The following COG5 variants were observed in gnomAD, a reference collection of about 807,000 sequenced individuals.
The protein encoded by COG5 is conserved oligomeric Golgi complex subunit 5.
A neutral mutation model predicts 110.4 loss-of-function variants in COG5; 86 were observed. The ratio of observed to expected loss-of-function variants is 0.78; its 90% CI spans 0.65 to 0.93. The LOEUF is 0.93. Ranked by LOEUF, COG5 falls within the 40% of genes least tolerant of loss-of-function variation. The probability of loss-of-function intolerance (pLI) is 0.00; values close to 1 mark genes in which losing one functional copy is unlikely to be tolerated. For missense variants in COG5, 1,077 were observed against 987.0 expected, an observed-to-expected ratio of 1.09 and a Z score of -1.22; for synonymous variants, 360 against 334.6, an observed-to-expected ratio of 1.08 and a Z score of -0.83.
At chr7:107,562,725 T>G (rs180949135) in intron 1 of COG5, among the ~76,000 whole-genome samples, 6 of 152,326 alleles carry the variant, frequency 3.9e-5, no homozygotes, top group Non-Finnish European at 8.8e-5. Flanking sequence ...TTGACAAAAG[T>G]ACATAAATTA....
At chr7:107,301,948 G>A (rs1562959104) in intron 11 of COG5, among the ~76,000 whole-genome samples, 2 of 152,110 alleles carry the variant, frequency 1.3e-5, no homozygotes, top group East Asian at 3.9e-4. Flanking sequence ...ATAAAAAATT[G>A]TATACTTATT....
At chr7:107,468,882 C>T (rs1243548737) in intron 6 of COG5, among the ~76,000 whole-genome samples, 1 of 151,860 alleles carries the variant, frequency 6.6e-6, no homozygotes, top group East Asian at 1.9e-4. Context: ...TCAACAGAGT[C>T]CAGCTGTTTT....
At chr7:107,261,200 G>A (rs963485403) in intron 14 of COG5, among the ~76,000 whole-genome samples, 7 of 152,016 alleles carry the variant, frequency 4.6e-5, no homozygotes, top group Non-Finnish European at 4.4e-5. Context: ...CTATGCAACT[G>A]TAATCTCAAA....
chr7:107,394,088 C>T (rs955282869), intron 7 of COG5, among the ~76,000 whole-genome samples: 10 of 151,900 alleles, frequency 6.6e-5, no homozygotes, highest in Non-Finnish European at 1.0e-4. Context: ...CAGCCTCCCA[C>T]GTAGCTGGGA....
At chr7:107,556,046 T>C (rs1803293883) in intron 2 of COG5, among the ~76,000 whole-genome samples, 2 of 151,242 alleles carry the variant, frequency 1.3e-5, no homozygotes, top group South Asian at 4.2e-4. Context: ...AGAGGAAAGC[T>C]TACTGTTTCA....
At chr7:107,549,251 C>A (rs1802700377) in intron 3 of COG5, 1 of 152,198 alleles carries the variant, frequency 6.6e-6, no homozygotes, top group African/African-American at 2.4e-5. Context: ...GGGTTTCCAC[C>A]AATACTCCAC....
chr7:107,385,808 T>C (rs1332577428), intron 7 of COG5, among the ~76,000 whole-genome samples: 1 of 147,978 alleles, frequency 6.8e-6, no homozygotes, highest in East Asian at 1.9e-4. Context: ...TTATTTTCTT[T>C]TTTTTTTTTT....
chr7:107,516,148 T>C (rs754558530), intron 6 of COG5, among the ~76,000 whole-genome samples: 7 of 152,174 alleles, frequency 4.6e-5, no homozygotes, highest in Non-Finnish European at 8.8e-5. Flanking sequence ...ACAATAAATA[T>C]GTCTGCACTA....
intron 18 of COG5, among the ~76,000 whole-genome samples, chr7:107,232,092 C>A (rs930257182): frequency 2.0e-5 from 3 of 152,092 alleles, no homozygotes; most frequent in African/African-American, 7.2e-5. Flanking sequence ...ACATGGATTG[C>A]ATACTGCATG....
chr7:107,280,669 A>G (rs1344706080), intron 14 of COG5, among the ~76,000 whole-genome samples: 1 of 152,052 alleles, frequency 6.6e-6, no homozygotes, highest in Non-Finnish European at 1.5e-5. Flanking sequence ...CATATATACT[A>G]GTGAAATATG....
At chr7:107,516,647 G>A (rs764732299) in intron 6 of COG5, among the ~76,000 whole-genome samples, 1 of 152,184 alleles carries the variant, frequency 6.6e-6, no homozygotes. Flanking sequence ...CCTCTGGGAC[G>A]AAGCTTCCAG....
intron 10 of COG5, among the ~76,000 whole-genome samples, chr7:107,329,467 G>A (rs1229609147): frequency 1.3e-5 from 2 of 151,938 alleles, no homozygotes; most frequent in Non-Finnish European, 2.9e-5. Flanking sequence ...TGCTGTGTAT[G>A]TATGATGTAT....
At chr7:107,408,696 TC>T (rs1792048857) in intron 7 of COG5, among the ~76,000 whole-genome samples, 1 of 152,290 alleles carries the variant, frequency 6.6e-6, no homozygotes, top group East Asian at 1.9e-4. Flanking sequence ...TGGTGTATAG[TC>T]CCTAGCATTA....
At chr7:107,513,864 C>T (rs1799720482) in intron 6 of COG5, among the ~76,000 whole-genome samples, 1 of 147,916 alleles carries the variant, frequency 6.8e-6, no homozygotes, top group Non-Finnish European at 1.5e-5. Flanking sequence ...CACATGGACA[C>T]AGGAAGGGGA....
intron 6 of COG5, among the ~76,000 whole-genome samples, chr7:107,512,949 A>G (rs1164060164): frequency 2.0e-5 from 3 of 152,146 alleles, no homozygotes; most frequent in Non-Finnish European, 4.4e-5. Context: ...AAACCCTAGA[A>G]GAAAACCTAG....
At chr7:107,417,012 T>G (rs1792896508) in intron 6 of COG5, among the ~76,000 whole-genome samples, 1 of 152,122 alleles carries the variant, frequency 6.6e-6, no homozygotes, top group African/African-American at 2.4e-5. Flanking sequence ...TCTCAGAAAT[T>G]TATGAATCTC....
intron 7 of COG5, among the ~76,000 whole-genome samples, chr7:107,386,513 G>A (rs147231707): frequency 3.3e-5 from 5 of 152,308 alleles, no homozygotes; most frequent in Non-Finnish European, 5.9e-5. Context: ...CGCGCAGTCA[G>A]TGAGTAATCA....
At chr7:107,462,971 G>T (rs1300225407) in intron 6 of COG5, among the ~76,000 whole-genome samples, 2 of 152,176 alleles carry the variant, frequency 1.3e-5, no homozygotes, top group Non-Finnish European at 2.9e-5. Context: ...ATATAAAAAG[G>T]TTAATCAAGG....
At chr7:107,364,470 G>C (rs1265481562) in intron 8 of COG5, among the ~76,000 whole-genome samples, 1 of 152,072 alleles carries the variant, frequency 6.6e-6, no homozygotes, top group Non-Finnish European at 1.5e-5. Flanking sequence ...GTATCAATAC[G>C]AAATTTCTAG....
Sources: allele counts gnomAD v4.1 joint callset (sites outside exome capture counted in the v4.1 genomes callset), GRCh38; gene constraint gnomAD v4.1.1; transcripts MANE v1.5; gene names NCBI Gene and HGNC (gene_info 2026-07-23, HGNC 2026-07-21).